Variants in CCDC91 observed in about 807,000 individuals in gnomAD.
CCDC91 encodes the protein coiled-coil domain containing 91.
CCDC91 carries 48 observed loss-of-function variants against 63.2 expected under a neutral mutation model. That is an observed-to-expected ratio of 0.76 (90% CI 0.60 to 0.97). The LOEUF (loss-of-function observed/expected upper bound fraction) is 0.97. Ranked by LOEUF, CCDC91 falls within the 50% of genes least tolerant of loss-of-function variation. The probability of loss-of-function intolerance (pLI) is 0.00; values close to 1 mark genes in which losing one functional copy is unlikely to be tolerated. For missense variants in CCDC91, 500 were observed against 494.6 expected, an observed-to-expected ratio of 1.01 and a Z score of -0.10; for synonymous variants, 167 against 165.8, an observed-to-expected ratio of 1.01 and a Z score of -0.06.
chr12:28,208,808 T>C lies in CCDC91; in HGVS notation c.-15+18167T>C, dbSNP rs142805374. Among the ~76,000 whole-genome samples the C allele has an allele frequency of 2.6e-5, 4 of 152,264 alleles. 1 individual carries two copies. The highest frequency in any genetic ancestry group is 4.1e-4 in the South Asian group (2 of 4,826). ...GAAAATCTTTCATTATTTTATTTTA[T>C]TTTATTTTTTGAGATGGAGTCTTGC... On this transcript the variant is annotated intron_variant, in intron 1 of 12. Coordinates refer to ENST00000536442, the MANE Select transcript of CCDC91 (RefSeq NM_018318.5).
At chr12:28,226,374 C>G (rs1424722834) in intron 1 of CCDC91, among the ~76,000 whole-genome samples, 8 of 152,100 alleles carry the variant, frequency 5.3e-5, no homozygotes, top group Admixed American at 4.6e-4. Context: ...TCTGTGGATT[C>G]TATTTGTTCC....
chr12:28,369,662 G>A (rs564061188), intron 7 of CCDC91, among the ~76,000 whole-genome samples: 1 of 152,302 alleles, frequency 6.6e-6, no homozygotes, highest in Non-Finnish European at 1.5e-5. Flanking sequence ...CCCTAGTAGA[G>A]GTTCTCTGTG....
intron 3 of CCDC91, among the ~76,000 whole-genome samples, chr12:28,284,152 T>C (rs1384257155): frequency 2.0e-5 from 3 of 152,140 alleles, no homozygotes; most frequent in Non-Finnish European, 4.4e-5. Flanking sequence ...TTTTTTTCCA[T>C]TGGAGTATTG....
intron 12 of CCDC91, among the ~76,000 whole-genome samples, chr12:28,494,990 T>A (rs1024875937): frequency 8.6e-5 from 13 of 151,742 alleles, no homozygotes; most frequent in African/African-American, 3.1e-4. Flanking sequence ...GATGGAAACT[T>A]CATTCACCAT....
chr12:28,282,905 G>A (rs903051376), intron 3 of CCDC91, among the ~76,000 whole-genome samples: 2 of 151,944 alleles, frequency 1.3e-5, no homozygotes, highest in Non-Finnish European at 2.9e-5. Context: ...TAGCGATCCC[G>A]TTTTATTCTT....
chr12:28,480,798 A>G (rs1344063969), intron 11 of CCDC91, among the ~76,000 whole-genome samples: 2 of 152,058 alleles, frequency 1.3e-5, no homozygotes, highest in East Asian at 3.9e-4. Context: ...TTAGTTGGTG[A>G]TACTTGTTTT....
At chr12:28,217,398 C>T (rs1003684658) in intron 1 of CCDC91, among the ~76,000 whole-genome samples, 22 of 151,914 alleles carry the variant, frequency 1.4e-4, no homozygotes, top group African/African-American at 5.1e-4. Context: ...GGAAATTTTC[C>T]GAAACAGCAA....
intron 1 of CCDC91, among the ~76,000 whole-genome samples, chr12:28,234,446 A>G (rs115467829): frequency 0.015 from 2,274 of 152,248 alleles, 69 homozygotes; most frequent in African/African-American, 0.052. Context: ...CAAATAGTCA[A>G]CTTTTTCATG....
chr12:28,399,963 A>G (rs1165797498), intron 8 of CCDC91, among the ~76,000 whole-genome samples: 4 of 152,034 alleles, frequency 2.6e-5, no homozygotes, highest in Non-Finnish European at 4.4e-5. Context: ...TGGAACTACT[A>G]TTTTGGGGCC....
intron 6 of CCDC91, among the ~76,000 whole-genome samples, chr12:28,317,584 T>C (rs1284987147): frequency 6.6e-6 from 1 of 152,046 alleles, no homozygotes; most frequent in African/African-American, 2.4e-5. Flanking sequence ...TCAAGTAGTT[T>C]TTTTATTGTT....
At position 28,213,868 on chromosome 12, in the gene CCDC91, A is replaced by G. The variant is rs116084381; in HGVS notation, c.-15+23227A>G. Reference sequence around the variant, plus strand: ...GGTGGAATGGCTTTTTGAAGACTCAATTATGGTGCCAGCTTGGTGGCAGTG... The same window carrying G: ...GGTGGAATGGCTTTTTGAAGACTCAGTTATGGTGCCAGCTTGGTGGCAGTG... On this transcript the variant is annotated intron_variant, in intron 1 of 12. Transcript: ENST00000536442. 7.0e-3 allele frequency among the ~76,000 whole-genome samples: 1,062 copies of G among 152,212 alleles called. 15 individuals carry two copies. The highest frequency in any genetic ancestry group is 0.024 in the African/African-American group (993 of 41,518).
intron 1 of CCDC91, among the ~76,000 whole-genome samples, chr12:28,246,915 GAA>G (rs1356160649): frequency 2.6e-5 from 4 of 152,190 alleles, no homozygotes; most frequent in African/African-American, 9.6e-5. Flanking sequence ...ATTGAGGAGA[GAA>G]AGTAGTTTGT....
At chr12:28,226,936 T>C (rs1000633636) in intron 1 of CCDC91, among the ~76,000 whole-genome samples, 3 of 152,164 alleles carry the variant, frequency 2.0e-5, no homozygotes, top group African/African-American at 7.2e-5. Context: ...CTTGACAGTT[T>C]TGAGGAGTAT....
At chr12:28,263,438 T>C (rs1946964260) in intron 3 of CCDC91, among the ~76,000 whole-genome samples, 1 of 152,026 alleles carries the variant, frequency 6.6e-6, no homozygotes, top group Non-Finnish European at 1.5e-5. Flanking sequence ...AGTAAAATCA[T>C]ACAGTATTTG....
At chr12:28,389,102 T>G (rs1945783102) in intron 7 of CCDC91, among the ~76,000 whole-genome samples, 1 of 152,138 alleles carries the variant, frequency 6.6e-6, no homozygotes, top group African/African-American at 2.4e-5. Flanking sequence ...ACCATCTGAT[T>G]CAAAGGACTA....
chr12:28,340,370 C>T (rs1284663711), intron 6 of CCDC91, among the ~76,000 whole-genome samples: 1 of 152,128 alleles, frequency 6.6e-6, no homozygotes, highest in Non-Finnish European at 1.5e-5. Context: ...CTCTGGAAAA[C>T]CCCAGTGTAT....
At chr12:28,300,610 A>T (rs1937961783) in intron 3 of CCDC91, among the ~76,000 whole-genome samples, 1 of 151,522 alleles carries the variant, frequency 6.6e-6, no homozygotes, top group Admixed American at 6.6e-5. Flanking sequence ...TCTCAAGCTC[A>T]CTTTTTTAAT....
chr12:28,537,535 A>G (rs1177879423), intron 12 of CCDC91, among the ~76,000 whole-genome samples: 1 of 152,210 alleles, frequency 6.6e-6, no homozygotes, highest in African/African-American at 2.4e-5. Flanking sequence ...TGGTACCTTT[A>G]TCACTTAGGA....
At chr12:28,466,938 C>G (rs1040962708) in intron 11 of CCDC91, among the ~76,000 whole-genome samples, 2 of 151,966 alleles carry the variant, frequency 1.3e-5, no homozygotes, top group Non-Finnish European at 2.9e-5. Context: ...GTTATAATAA[C>G]AAAAAGCTAA....
Sources: gnomAD v4.1 joint callset for allele counts (sites outside exome capture counted in the v4.1 genomes callset) on GRCh38, gnomAD v4.1.1 for gene constraint, MANE v1.5 for transcripts, NCBI Gene and HGNC (gene_info 2026-07-23, HGNC 2026-07-21) for gene names.